DLG2: variants seen among roughly 807,000 people sequenced by gnomAD.
The protein encoded by DLG2 is disks large homolog 2.
DLG2 carries 45 observed loss-of-function variants against 132.5 expected under a neutral mutation model. That is an observed-to-expected ratio of 0.34 (90% CI 0.27 to 0.44). The LOEUF is 0.44. DLG2 is among the 20% of genes least tolerant of loss of function. The probability of loss-of-function intolerance (pLI) is 1.00; values close to 1 mark genes in which losing one functional copy is unlikely to be tolerated. For missense variants in DLG2, 1,045 were observed against 1,196.9 expected (o/e 0.87, Z 1.87); for synonymous variants, 424 against 419.6 (o/e 1.01, Z -0.13).
chr11:83,865,728 T>G (rs1037694547), intron 16 of DLG2, among the ~76,000 whole-genome samples: 1 of 152,118 alleles, frequency 6.6e-6, no homozygotes. Flanking sequence ...TGGTCAGCCA[T>G]GGGATTTAGA....
At chr11:85,383,338 G>C (rs1244334980) in intron 3 of DLG2, among the ~76,000 whole-genome samples, 1 of 152,062 alleles carries the variant, frequency 6.6e-6, no homozygotes, top group Non-Finnish European at 1.5e-5. Flanking sequence ...TAACTACTAA[G>C]GGGTCTGAGG....
At chr11:83,526,238 A>G (rs1037256280) in intron 21 of DLG2, among the ~76,000 whole-genome samples, 34 of 152,154 alleles carry the variant, frequency 2.2e-4, no homozygotes, top group African/African-American at 8.0e-4. Context: ...GTCCTCTCTG[A>G]TCTCTTTAGA....
intron 17 of DLG2, among the ~76,000 whole-genome samples, chr11:83,805,943 G>C (rs757340804): frequency 6.6e-6 from 1 of 152,138 alleles, no homozygotes; most frequent in African/African-American, 2.4e-5. Flanking sequence ...GTCCAGATGA[G>C]AATGCTAGAG....
At chr11:84,480,574 C>G (rs1191819280) in intron 7 of DLG2, among the ~76,000 whole-genome samples, 6 of 152,050 alleles carry the variant, frequency 3.9e-5, no homozygotes, top group Non-Finnish European at 7.4e-5. Flanking sequence ...ATGGTATACA[C>G]TGTGCTAATC....
rs2078136556 is a variant in DLG2 at position 85,162,787 on chromosome 11, T to C, written c.187-8136A>G. On this transcript the variant is annotated intron_variant, in intron 4 of 27. Coordinates refer to ENST00000376104, the MANE Select transcript of DLG2 (RefSeq NM_001142699.3). ...GAAGATTATGTATGATCTCAGGAGATGTACGTGGGTTCAAGTTGACAAGGG... is the reference window on the plus strand; with the variant it reads ...GAAGATTATGTATGATCTCAGGAGACGTACGTGGGTTCAAGTTGACAAGGG... 1.3e-5 allele frequency among the ~76,000 whole-genome samples: 2 copies of C among 152,148 alleles called. 1 individual carries two copies. The highest frequency in any genetic ancestry group is 4.1e-4 in the South Asian group (2 of 4,828).
intron 6 of DLG2, among the ~76,000 whole-genome samples, chr11:84,634,995 A>G (rs1182846485): frequency 6.6e-6 from 1 of 152,216 alleles, no homozygotes; most frequent in African/African-American, 2.4e-5. Context: ...GAAAAGCACA[A>G]TAATTCAATC....
At chr11:85,244,735 G>A (rs1489400199) in intron 4 of DLG2, among the ~76,000 whole-genome samples, 1 of 151,956 alleles carries the variant, frequency 6.6e-6, no homozygotes, top group Non-Finnish European at 1.5e-5. Flanking sequence ...AAATGAGTAA[G>A]TGCCAGGAAG....
intron 19 of DLG2, among the ~76,000 whole-genome samples, chr11:83,601,826 A>T (rs1390210201): frequency 6.6e-6 from 1 of 152,018 alleles, no homozygotes; most frequent in East Asian, 1.9e-4. Flanking sequence ...CTCAGCCGTC[A>T]ATGAAGTTCT....
intron 3 of DLG2, among the ~76,000 whole-genome samples, chr11:85,293,289 A>T (rs1443230332): frequency 6.6e-6 from 1 of 152,144 alleles, no homozygotes. Flanking sequence ...TGGGCCAGGC[A>T]TGGTGGCTTA....
intron 6 of DLG2, among the ~76,000 whole-genome samples, chr11:84,612,452 G>C (rs768345628): frequency 1.3e-5 from 2 of 152,026 alleles, no homozygotes; most frequent in Non-Finnish European, 2.9e-5. Flanking sequence ...TAAATACCTA[G>C]GAGTGGAATG....
At chr11:84,980,561 T>C (rs1047131231) in intron 6 of DLG2, among the ~76,000 whole-genome samples, 1 of 152,156 alleles carries the variant, frequency 6.6e-6, no homozygotes, top group Non-Finnish European at 1.5e-5. Context: ...AGGACCTTCC[T>C]AGATGCCCAG....
At chr11:83,930,999 T>C (rs1179359633) in intron 14 of DLG2, among the ~76,000 whole-genome samples, 1 of 152,200 alleles carries the variant, frequency 6.6e-6, no homozygotes, top group African/African-American at 2.4e-5. Flanking sequence ...TCCTTCTATG[T>C]GGATAAAGAT....
intron 3 of DLG2, among the ~76,000 whole-genome samples, chr11:85,489,255 A>T (rs1048568830): frequency 4.6e-5 from 7 of 152,200 alleles, no homozygotes; most frequent in African/African-American, 1.7e-4. Flanking sequence ...AAAAACCAAA[A>T]ACAAGCAAGA....
At chr11:85,232,977 C>T (rs1245829843) in intron 4 of DLG2, among the ~76,000 whole-genome samples, 1 of 151,904 alleles carries the variant, frequency 6.6e-6, no homozygotes, top group African/African-American at 2.4e-5. Flanking sequence ...GAAGATCTTG[C>T]TTCTGTATGG....
At chr11:85,530,297 T>A (rs2075108402) in intron 3 of DLG2, among the ~76,000 whole-genome samples, 1 of 149,738 alleles carries the variant, frequency 6.7e-6, no homozygotes, top group Admixed American at 6.7e-5. Context: ...CGCCTGGCCT[T>A]TTTTTATTTT....
rs2094516213 is a variant in DLG2 at position 83,503,105 on chromosome 11, G to T, written c.2194-18877C>A. ...TCTAAGTTACTAAGGCAATGTGACA[G>T]TGCACGCAAAGTACTCAAGGGGCAT... On this transcript the variant is annotated intron_variant, in intron 21 of 27. Transcript: ENST00000376104. 3.3e-5 allele frequency among the ~76,000 whole-genome samples: 5 copies of T among 151,902 alleles called. No homozygotes were observed. The South Asian group carries it at 1.0e-3, about 32-fold the overall frequency.
intron 3 of DLG2, among the ~76,000 whole-genome samples, chr11:85,457,517 T>A (rs1275578930): frequency 6.6e-6 from 1 of 152,204 alleles, no homozygotes; most frequent in African/African-American, 2.4e-5. Flanking sequence ...TTGCTTGTGT[T>A]GTTGCTTTAT....
intron 17 of DLG2, chr11:83,790,867 T>C (rs2153899417): frequency 1.3e-6 from 1 of 746,786 alleles, no homozygotes; most frequent in East Asian, 2.4e-5. Flanking sequence ...CAATAGCTAC[T>C]TGATCCTTCC....
At chr11:84,839,891 A>T (rs2080377577) in intron 6 of DLG2, among the ~76,000 whole-genome samples, 1 of 152,162 alleles carries the variant, frequency 6.6e-6, no homozygotes, top group Non-Finnish European at 1.5e-5. Context: ...AAAACCCTAG[A>T]AGAAAACCTA....
Sources: gnomAD v4.1 joint callset for allele counts (sites outside exome capture counted in the v4.1 genomes callset) on GRCh38, gnomAD v4.1.1 for gene constraint, MANE v1.5 for transcripts, NCBI Gene and HGNC (gene_info 2026-07-23, HGNC 2026-07-21) for gene names.